LCT: variants seen among roughly 807,000 people sequenced by gnomAD.
LCT encodes lactase/phlorizin hydrolase.
LCT carries 90 observed loss-of-function variants against 173.0 expected under a neutral mutation model. That is an observed-to-expected ratio of 0.52 (90% CI 0.44 to 0.62). The LOEUF (loss-of-function observed/expected upper bound fraction) is 0.62. LCT is among the 20% of genes least tolerant of loss of function. The pLI is 0.00. For synonymous variants in LCT, 853 were observed against 957.6 expected (o/e 0.89, Z 2.02); for missense variants, 1,864 against 2,431.4 (o/e 0.77, Z 4.91).
intron 2 of LCT, among the ~76,000 whole-genome samples, chr2:135,831,893 T>A (rs945069834): frequency 1.3e-5 from 2 of 152,206 alleles, no homozygotes; most frequent in African/African-American, 4.8e-5. Context: ...AGCTGTTCAC[T>A]TCCCAGATTA....
At chr2:135,810,652 T>C (rs1189274388) in intron 7 of LCT, among the ~76,000 whole-genome samples, 1 of 152,042 alleles carries the variant, frequency 6.6e-6, no homozygotes, top group East Asian at 1.9e-4. Context: ...AATATTGACA[T>C]TAAGTGACAA....
At position 135,812,870 on chromosome 2, in the gene LCT, G is replaced by A; in HGVS notation, c.1794C>T (p.Gly598=). The A allele has an allele frequency of 6.2e-7, 1 of 1,614,174 alleles. No homozygotes were observed. The highest frequency in any genetic ancestry group is 8.5e-7 in the Non-Finnish European group (1 of 1,180,024). Residue 598 remains glycine (G), a synonymous_variant, in exon 7 of 17, where the codon GGC becomes GGT. Coordinates refer to ENST00000264162, the MANE Select transcript of LCT (RefSeq NM_002299.4). The part of the protein sequence containing the change: ...HHRPQQQGHV[G]IVLNSDWAEP... ...CTGCCCAGTCTGAGTTCAGCACAAT[G>A]CCCACGTGCCCCTGCTGCTGTGGGC...
At chr2:135,831,534 T>G (rs2077939871) in intron 2 of LCT, among the ~76,000 whole-genome samples, 1 of 152,180 alleles carries the variant, frequency 6.6e-6, no homozygotes, top group African/African-American at 2.4e-5. Flanking sequence ...CTGGGGCAGA[T>G]AGACCAGTAC....
chr2:135,799,372 G>A (rs531064524), intron 12 of LCT, among the ~76,000 whole-genome samples: 10 of 152,258 alleles, frequency 6.6e-5, no homozygotes, highest in Admixed American at 5.9e-4. Context: ...TTTCTAGGAG[G>A]AGCCAGAGGA....
chr2:135,795,461 A>T (rs1023454420), intron 13 of LCT, among the ~76,000 whole-genome samples: 3 of 151,960 alleles, frequency 2.0e-5, no homozygotes, highest in African/African-American at 7.3e-5. Context: ...CGCCCACCTC[A>T]GCCTCCTAAA....
Position 135,798,151 on chromosome 2 carries a change from T to A in LCT, c.4867-13A>T. The stretch of plus-strand genomic sequence containing the variant: ...AGCCTCCCATGAACTGCGGGTAGGG[T>A]GGGGGAGACAGCCCAGGCGTTACAG... On this transcript the variant is annotated splice_polypyrimidine_tract_variant and intron_variant, in intron 12 of 16. Transcript: ENST00000264162. The A allele has an allele frequency of 1.4e-6, 2 of 1,420,662 alleles. No individual in the cohort carries two copies. Among genetic ancestry groups the A allele is most frequent in the Non-Finnish European group, 2.0e-6 (2 of 1,001,208 alleles). The allele number at this position is 1,420,662 out of a possible 1,614,324, so 88.0% of individuals were successfully genotyped here.
rs749736291 is a variant in LCT at position 135,812,612 on chromosome 2, C to T, written c.2052G>A (p.Ser684=). The T allele has an allele frequency of 1.1e-5, 18 of 1,610,836 alleles. No homozygotes were observed. The highest frequency in any genetic ancestry group is 3.3e-5 in the Admixed American group (2 of 59,906). The change falls in exon 7 of 17, where the codon TCG becomes TCA. Residue 684 remains serine, a synonymous_variant. Transcript: ENST00000264162. ...LKGSADFLGL[S]HYTSRLISNA... ...TGCTGATGAGGCGGGAGGTGTAATG[C>T]GACAGACCCAGAAAATCAGCAGAGC...
chr2:135,829,671 C>T lies in LCT; in HGVS notation c.726G>A (p.Thr242=), dbSNP rs1249832435. The T allele has an allele frequency of 1.4e-5, 23 of 1,610,508 alleles. No individual in the cohort carries two copies. The highest frequency in any genetic ancestry group is 3.3e-5 in the South Asian group (3 of 91,020). ...ACAAATCAAGAGAGAGGAAATCGAC[C>T]GTGTCCTGAAAATAGTAGTTAAATA... ...EPPISALAQD[T]VDFLSLDLSY... Residue 242 remains threonine, a synonymous_variant, in exon 3 of 17, where the codon ACG becomes ACA. Coordinates refer to ENST00000264162, the MANE Select transcript of LCT (RefSeq NM_002299.4).
At chr2:135,795,612 A>ATT (rs1491376150) in intron 13 of LCT, among the ~76,000 whole-genome samples, 1 of 135,936 alleles carries the variant, frequency 7.4e-6, no homozygotes, top group East Asian at 2.5e-4. Flanking sequence ...CTCTAATAAT[A>ATT]ATAATAATAA....
chr2:135,799,959 T>C (rs2077612229), intron 12 of LCT, among the ~76,000 whole-genome samples: 1 of 152,230 alleles, frequency 6.6e-6, no homozygotes, highest in Non-Finnish European at 1.5e-5. Flanking sequence ...CTCTGTTAGC[T>C]ACTATAGTCA....
At chr2:135,833,647 C>T (rs1256175332) in intron 1 of LCT, among the ~76,000 whole-genome samples, 1 of 150,754 alleles carries the variant, frequency 6.6e-6, no homozygotes, top group African/African-American at 2.5e-5. Context: ...GGAGTTGCAC[C>T]GGGTTAGCCA....
rs117802704 is a variant in LCT, at chr2:135,787,893, G to A, written c.*431C>T. 50 of 196,622 alleles carry A rather than the reference G, an allele frequency of 2.5e-4. 1 individual carries two copies. The East Asian group carries it at 3.2e-3, about 13-fold the overall frequency. 12.2% of individuals were successfully genotyped at this position (196,622 alleles called of 1,614,324 possible). On this transcript the variant is annotated 3_prime_UTR_variant, in exon 17 of 17. Coordinates refer to ENST00000264162, the MANE Select transcript of LCT (RefSeq NM_002299.4). ...TTTTCTGGAAAACACAAGATGTGAAGCTAGGGAGAGCTTGCAGAAGGGCAG... is the reference window on the plus strand; with the variant it reads ...TTTTCTGGAAAACACAAGATGTGAAACTAGGGAGAGCTTGCAGAAGGGCAG...
In LCT at chr2:135,831,595, C is replaced by T. The variant is rs148835310; in HGVS notation, c.720+1516G>A. 7.7e-3 allele frequency among the ~76,000 whole-genome samples: 1,178 copies of T among 152,296 alleles called. 12 individuals are homozygous for T. Among genetic ancestry groups the T allele is most frequent in the Middle Eastern group, 0.027 (8 of 294 alleles). On this transcript the variant is annotated intron_variant, in intron 2 of 16. Coordinates refer to ENST00000264162, the MANE Select transcript of LCT (RefSeq NM_002299.4). Reference sequence around the variant, plus strand: ...TTCTGATCAGCACTTTGGTCTCCTGCGTTCATAACTGATAGCAGTTATCGC... The same window carrying T: ...TTCTGATCAGCACTTTGGTCTCCTGTGTTCATAACTGATAGCAGTTATCGC...
In LCT at chr2:135,803,929, C is replaced by A; in HGVS notation, c.4663+1G>T. The stretch of plus-strand genomic sequence containing the variant: ...GCCTATGAGCCAGGGCTGGGACTTA[C>A]CTGGAGCTGCTGTTCCGTAGCCATA... On this transcript the variant is annotated splice_donor_variant, in intron 11 of 16. Transcript: ENST00000264162. LOFTEE classifies it high-confidence loss of function. 1 of 1,613,280 alleles carries A rather than the reference C, an allele frequency of 6.2e-7. No individual in the cohort carries two copies. The highest frequency in any genetic ancestry group is 1.7e-5 in the Admixed American group (1 of 59,958).
intron 7 of LCT, among the ~76,000 whole-genome samples, chr2:135,810,706 A>C (rs1017622082): frequency 2.7e-5 from 4 of 148,678 alleles, no homozygotes; most frequent in African/African-American, 9.9e-5. Flanking sequence ...CCTGGGCAAC[A>C]TGGCCAGACT....
At chr2:135,819,853 C>T (rs941940682) in intron 5 of LCT, among the ~76,000 whole-genome samples, 2 of 152,194 alleles carry the variant, frequency 1.3e-5, no homozygotes, top group African/African-American at 4.8e-5. Flanking sequence ...CCCTGACTGT[C>T]CTCCTGGATT....
rs2105533270 is a variant in LCT, at chr2:135,808,795, G to T, written c.3552C>A (p.Ser1184=). 1.2e-6 allele frequency: 2 copies of T among 1,613,566 alleles called. No homozygotes were observed. Among genetic ancestry groups the T allele is most frequent in the Non-Finnish European group, 1.7e-6 (2 of 1,179,518 alleles). ...NRSELQHLAT[S]RLPSFTEEEK... The stretch of plus-strand genomic sequence containing the variant: ...CTTCCTCAGTGAAGCTTGGCAGGCG[G>T]GAGGTGGCTAAGTGCTGCAGTTCAC... The change falls in exon 8 of 17, where the codon TCC becomes TCA. Residue 1184 remains serine, a synonymous_variant. Transcript: ENST00000264162.
Position 135,809,117 on chromosome 2 carries a change from C to T in LCT, c.3230G>A (p.Gly1077Glu), listed in dbSNP as rs370021729. Reference protein sequence around the residue: ...MYLAWLGYGSGEFPPGVKDPG... With the variant: ...MYLAWLGYGSEEFPPGVKDPG... ...GTCCTTCACCCCTGGGGGAAATTCC[C>T]CTGAGCCATAACCTAGCCATGCCAG... is the stretch of plus-strand genomic sequence containing the variant. Residue 1077 changes from glycine (G) to glutamate (E), a missense_variant, in exon 8 of 17, where the codon GGG (glycine) becomes GAG (glutamate). This residue lies in a region of LCT where 755 missense variants were observed against 926.3 expected (regional missense o/e 0.82). Transcript: ENST00000264162. This position sits in a 1 kb window ranked among gnomAD's most constrained non-coding sequence, Gnocchi z 5.5. The T allele has an allele frequency of 1.9e-6, 3 of 1,614,056 alleles. No individual in the cohort carries two copies. Among genetic ancestry groups the T allele is most frequent in the East Asian group, 2.2e-5 (1 of 44,890 alleles).
intron 3 of LCT, among the ~76,000 whole-genome samples, chr2:135,826,037 G>A (rs116430037): frequency 0.014 from 2,145 of 152,338 alleles, 58 homozygotes; most frequent in African/African-American, 0.049. Flanking sequence ...ATCCCAGGAA[G>A]GAACAGTGTG....
Sources: allele counts gnomAD v4.1 joint callset (sites outside exome capture counted in the v4.1 genomes callset), GRCh38; gene constraint gnomAD v4.1.1; regional missense constraint gnomAD v4.1.1; non-coding constraint Gnocchi (gnomAD v3.1); transcripts MANE v1.5; gene names NCBI Gene and HGNC (gene_info 2026-07-23, HGNC 2026-07-21).